The following NXPH1 variants were observed in gnomAD, a reference collection of about 807,000 sequenced individuals.
NXPH1 encodes the protein neurexophilin-1.
A neutral mutation model predicts 23.7 loss-of-function variants in NXPH1; 5 were observed. That is an observed-to-expected ratio of 0.21 (90% CI 0.11 to 0.44). The LOEUF is 0.44. Ranked by LOEUF, NXPH1 falls within the 20% of genes least tolerant of loss-of-function variation. NXPH1 has a pLI of 0.99. For synonymous variants in NXPH1, 144 were observed against 122.2 expected (o/e 1.18, Z -1.18); for missense variants, 324 against 321.6 (o/e 1.01, Z -0.06).
chr7:8,544,013 A>T lies in NXPH1; in HGVS notation c.54+108246A>T, dbSNP rs1223640772. On this transcript the variant is annotated intron_variant, in intron 2 of 2. Coordinates refer to ENST00000405863, the MANE Select transcript of NXPH1 (RefSeq NM_152745.3). ...GTGACTTAACCGAGTTCATACAGTT[A>T]ATTAGAAAGAGAGCTACATCCGCAA... 3.3e-5 allele frequency among the ~76,000 whole-genome samples: 5 copies of T among 151,678 alleles called. No homozygotes were observed. In the East Asian group the frequency reaches 9.8e-4, roughly 30 times the overall value.
intron 2 of NXPH1, among the ~76,000 whole-genome samples, chr7:8,557,260 T>C (rs550174150): frequency 6.7e-6 from 1 of 148,890 alleles, no homozygotes; most frequent in South Asian, 2.1e-4. Context: ...GCATGCATTG[T>C]AAATGCTTAA....
intron 2 of NXPH1, among the ~76,000 whole-genome samples, chr7:8,660,446 A>G (rs2115161228): frequency 6.6e-6 from 1 of 152,348 alleles, no homozygotes; most frequent in East Asian, 1.9e-4. Context: ...TTTTTTGCTA[A>G]AACAACTACT....
At chr7:8,706,056 G>T (rs1044193957) in intron 2 of NXPH1, among the ~76,000 whole-genome samples, 1 of 152,152 alleles carries the variant, frequency 6.6e-6, no homozygotes, top group Admixed American at 6.5e-5. Context: ...ATCTGGAAAT[G>T]GAGATACTTG....
intron 2 of NXPH1, among the ~76,000 whole-genome samples, chr7:8,669,172 T>G (rs946267361): frequency 6.6e-6 from 1 of 152,066 alleles, no homozygotes; most frequent in Non-Finnish European, 1.5e-5. Context: ...CTGGTGTGGG[T>G]GTGTGCTGGG....
intron 2 of NXPH1, among the ~76,000 whole-genome samples, chr7:8,522,784 G>T (rs537668758): frequency 2.0e-5 from 3 of 152,252 alleles, no homozygotes; most frequent in East Asian, 3.9e-4. Context: ...TCTAGGTCCA[G>T]CCCTAGGTGC....
intron 2 of NXPH1, among the ~76,000 whole-genome samples, chr7:8,700,857 C>A (rs1335243306): frequency 1.3e-5 from 2 of 151,972 alleles, no homozygotes; most frequent in Non-Finnish European, 2.9e-5. Context: ...TCAATCTAGT[C>A]CACTGCTTGT....
intron 2 of NXPH1, among the ~76,000 whole-genome samples, chr7:8,716,502 A>T (rs1779880829): frequency 6.6e-6 from 1 of 152,216 alleles, no homozygotes; most frequent in East Asian, 1.9e-4. Context: ...ACAGATTTTT[A>T]TCCAATTTAT....
At chr7:8,596,913 T>C (rs906652006) in intron 2 of NXPH1, among the ~76,000 whole-genome samples, 1 of 152,062 alleles carries the variant, frequency 6.6e-6, no homozygotes, top group Non-Finnish European at 1.5e-5. Context: ...ATCAAACAAC[T>C]ATATGCAACG....
At chr7:8,558,643 C>T (rs1163768662) in intron 2 of NXPH1, among the ~76,000 whole-genome samples, 2 of 151,608 alleles carry the variant, frequency 1.3e-5, no homozygotes, top group Non-Finnish European at 3.0e-5. Context: ...ATCTCATAGG[C>T]TCAAGTCACC....
chr7:8,630,641 C>T (rs981464143), intron 2 of NXPH1, among the ~76,000 whole-genome samples: 7 of 152,100 alleles, frequency 4.6e-5, no homozygotes, highest in African/African-American at 1.4e-4. Flanking sequence ...AACTACTGAA[C>T]TTTTATGTCT....
At chr7:8,566,668 G>A (rs553193934) in intron 2 of NXPH1, among the ~76,000 whole-genome samples, 2 of 151,816 alleles carry the variant, frequency 1.3e-5, no homozygotes, top group African/African-American at 4.8e-5. Context: ...TCATGAGTTC[G>A]AAGGCCTTTG....
intron 2 of NXPH1, among the ~76,000 whole-genome samples, chr7:8,704,227 C>T (rs931304617): frequency 2.0e-5 from 3 of 152,022 alleles, no homozygotes; most frequent in African/African-American, 7.2e-5. Context: ...AACTTTGACT[C>T]AGTGGTAGCC....
intron 2 of NXPH1, among the ~76,000 whole-genome samples, chr7:8,499,895 T>G (rs1178906247): frequency 1.3e-5 from 2 of 152,032 alleles, no homozygotes; most frequent in Non-Finnish European, 2.9e-5. Flanking sequence ...GCGGCCACAT[T>G]AGGAGTTAAA....
At chr7:8,533,770 TCA>T (rs1817986943) in intron 2 of NXPH1, among the ~76,000 whole-genome samples, 1 of 152,096 alleles carries the variant, frequency 6.6e-6, no homozygotes, top group African/African-American at 2.4e-5. Context: ...AGCCTGCTGT[TCA>T]CTCCTAAGCA....
At chr7:8,508,804 G>A (rs1167870152) in intron 2 of NXPH1, among the ~76,000 whole-genome samples, 4 of 151,942 alleles carry the variant, frequency 2.6e-5, no homozygotes, top group African/African-American at 9.7e-5. Context: ...TCTTTTCATT[G>A]GCCCTCAAGT....
rs560041687 is a variant in NXPH1, at chr7:8,614,783, G to T, written c.55-136225G>T. Among the ~76,000 whole-genome samples the T allele has an allele frequency of 9.9e-5, 15 of 152,066 alleles. No homozygotes were observed. The South Asian group carries it at 2.5e-3, about 25-fold the overall frequency. On this transcript the variant is annotated intron_variant, in intron 2 of 2. Coordinates refer to ENST00000405863, the MANE Select transcript of NXPH1 (RefSeq NM_152745.3). The stretch of plus-strand genomic sequence containing the variant: ...GAATATCAAAATATAGGCTTAAATT[G>T]ACTTTTCTCCTACTTCTCTGTAAAG...
intron 2 of NXPH1, among the ~76,000 whole-genome samples, chr7:8,598,435 T>C (rs1287265932): frequency 6.6e-6 from 1 of 152,116 alleles, no homozygotes; most frequent in African/African-American, 2.4e-5. Flanking sequence ...TCCTTGGTGG[T>C]GGAGTTGTAA....
intron 2 of NXPH1, among the ~76,000 whole-genome samples, chr7:8,527,724 T>A (rs1432159653): frequency 6.6e-6 from 1 of 152,228 alleles, no homozygotes; most frequent in African/African-American, 2.4e-5. Flanking sequence ...GTCCTCCAAA[T>A]GGCTCATTCA....
rs1345740613 is a variant in NXPH1 at position 8,752,505 on chromosome 7, A to G, written c.*736A>G. The G allele has an allele frequency of 6.6e-6, 1 of 152,528 alleles. No homozygotes were observed. Among genetic ancestry groups the G allele is most frequent in the East Asian group, 1.9e-4 (1 of 5,158 alleles). The allele number at this position is 152,528 out of a possible 1,614,324, so 9.4% of individuals were successfully genotyped here. A position where few individuals can be genotyped will look rare whatever the true frequency, so the allele number is the denominator to read the frequency against. On this transcript the variant is annotated 3_prime_UTR_variant, in exon 3 of 3. Transcript: ENST00000405863. ...AACAACTTTCATCACCAATCATTGG[A>G]CTTTTGTGAAGTTGACACCAGCTAA...
Sources: allele counts gnomAD v4.1 joint callset (sites outside exome capture counted in the v4.1 genomes callset), GRCh38; gene constraint gnomAD v4.1.1; transcripts MANE v1.5; gene names NCBI Gene and HGNC (gene_info 2026-07-23, HGNC 2026-07-21).